GRM1: variants seen among roughly 807,000 people sequenced by gnomAD.
GRM1 encodes metabotropic glutamate receptor 1.
GRM1 carries 33 observed loss-of-function variants against 90.9 expected under a neutral mutation model. That is an observed-to-expected ratio of 0.36 (90% confidence interval 0.28 to 0.49). The LOEUF is 0.49. Among genes scored for constraint, GRM1 ranks in the 20% least tolerant of loss-of-function variants. The pLI, the probability that GRM1 is intolerant of heterozygous loss-of-function variation, is 0.99. For missense variants in GRM1, 1,190 were observed against 1,534.3 expected (o/e 0.78, Z 3.75); for synonymous variants, 700 against 613.2 (o/e 1.14, Z -2.09).
intron 5 of GRM1, 111 bp downstream of exon 5, chr6:146,357,805 G>T (rs1785647459): frequency 1.1e-6 from 1 of 883,494 alleles, no homozygotes; most frequent in Admixed American, 2.0e-5. Flanking sequence ...GAAAGGGTGT[G>T]CCAGGCTTAC....
intron 1 of GRM1, among the ~76,000 whole-genome samples, chr6:146,134,855 C>A (rs369996020): frequency 6.6e-6 from 1 of 152,156 alleles, no homozygotes; most frequent in East Asian, 1.9e-4. Context: ...GGCGGGAACC[C>A]GGGAGGCAGA....
intron 2 of GRM1, among the ~76,000 whole-genome samples, chr6:146,187,486 C>T (rs1218143855): frequency 6.6e-6 from 1 of 151,964 alleles, no homozygotes; most frequent in Non-Finnish European, 1.5e-5. Flanking sequence ...GAGAGGTATG[C>T]ATTAAGGCAC....
intron 2 of GRM1, among the ~76,000 whole-genome samples, chr6:146,196,449 G>A (rs1157730433): frequency 6.7e-5 from 10 of 148,876 alleles, no homozygotes; most frequent in African/African-American, 2.0e-4. Context: ...CACCATGCCC[G>A]GCTAATTTTT....
At chr6:146,320,599 CT>C (rs946968467) in intron 3 of GRM1, among the ~76,000 whole-genome samples, 1,521 of 144,890 alleles carry the variant, frequency 0.01, 23 homozygotes, top group African/African-American at 0.036. Flanking sequence ...TGGTCCTGGG[CT>C]TTTTTTTTTG....
intron 1 of GRM1, among the ~76,000 whole-genome samples, chr6:146,141,357 G>T (rs61351931): frequency 6.7e-6 from 1 of 149,780 alleles, no homozygotes; most frequent in African/African-American, 2.5e-5. Context: ...TAAATGCCTC[G>T]AAGTAGTCTT....
In GRM1 at chr6:146,186,095, GTT is replaced by G. The variant is rs111964915; in HGVS notation, c.950+26512_950+26513del. ...TCCCGAGTAGCTGGAATTACAGCTG[GTT>G]TTTTTTTTTTTTTGTATTTATTTTC... On this transcript the variant is annotated intron_variant, in intron 2 of 7. Transcript: ENST00000282753. Among the ~76,000 whole-genome samples, 947 of 131,186 alleles carry G rather than the reference GTT, an allele frequency of 7.2e-3. 12 individuals are homozygous for G. Among genetic ancestry groups the G allele is most frequent in the African/African-American group, 0.024 (838 of 35,534 alleles). 86.1% of individuals were successfully genotyped at this position (131,186 alleles called of 152,430 possible). A position where few individuals can be genotyped will look rare whatever the true frequency, so the allele number is the denominator to read the frequency against.
At chr6:146,390,173 G>C (rs974144276) in intron 6 of GRM1, among the ~76,000 whole-genome samples, 1 of 151,404 alleles carries the variant, frequency 6.6e-6, no homozygotes, top group Non-Finnish European at 1.5e-5. Flanking sequence ...TTTAATAGTT[G>C]GTTAAAATAT....
chr6:146,191,226 C>G (rs934192576), intron 2 of GRM1, among the ~76,000 whole-genome samples: 1 of 152,164 alleles, frequency 6.6e-6, no homozygotes, highest in Non-Finnish European at 1.5e-5. Context: ...TCTTCTCTGT[C>G]ATGGCATTAC....
At chr6:146,259,359 A>G (rs1447923900) in intron 2 of GRM1, among the ~76,000 whole-genome samples, 1 of 152,202 alleles carries the variant, frequency 6.6e-6, no homozygotes, top group Non-Finnish European at 1.5e-5. Context: ...ATTTAAGTGC[A>G]TTATATAGTA....
At chr6:146,262,533 G>C (rs778753635) in intron 2 of GRM1, among the ~76,000 whole-genome samples, 4 of 151,824 alleles carry the variant, frequency 2.6e-5, no homozygotes, top group Non-Finnish European at 5.9e-5. Flanking sequence ...TTAAACATCT[G>C]TTTACAACAG....
intron 1 of GRM1, among the ~76,000 whole-genome samples, chr6:146,077,880 T>TGCTG (rs1310052532): frequency 1.3e-5 from 2 of 152,126 alleles, no homozygotes; most frequent in African/African-American, 4.8e-5. Flanking sequence ...GGCAACTCAA[T>TGCTG]GCTGGCTCTG....
At chr6:146,348,937 G>A (rs1354593155) in intron 3 of GRM1, among the ~76,000 whole-genome samples, 5 of 152,136 alleles carry the variant, frequency 3.3e-5, no homozygotes, top group Non-Finnish European at 7.3e-5. Flanking sequence ...TATACCACAT[G>A]CTTTCCTCAC....
chr6:146,042,799 G>A (rs1267183641), intron 1 of GRM1, among the ~76,000 whole-genome samples: 1 of 151,916 alleles, frequency 6.6e-6, no homozygotes, highest in African/African-American at 2.4e-5. Flanking sequence ...AGCTTTCATA[G>A]CAGTTAATTA....
At chr6:146,418,598 C>T (rs149411297) in intron 7 of GRM1, among the ~76,000 whole-genome samples, 1,949 of 151,558 alleles carry the variant, frequency 0.013, 47 homozygotes, top group African/African-American at 0.045. Context: ...GATATTATGA[C>T]ATTCAATATT....
At chr6:146,413,561 A>T (rs1477035056) in intron 7 of GRM1, among the ~76,000 whole-genome samples, 1 of 152,078 alleles carries the variant, frequency 6.6e-6, no homozygotes, top group Non-Finnish European at 1.5e-5. Flanking sequence ...CTCTCATTTC[A>T]TGTACATGCT....
intron 2 of GRM1, among the ~76,000 whole-genome samples, chr6:146,273,202 G>T (rs1782234004): frequency 6.6e-6 from 1 of 152,076 alleles, no homozygotes; most frequent in South Asian, 2.1e-4. Context: ...AATACCTTTG[G>T]TAAATGTGTT....
At chr6:146,264,479 G>A (rs192624643) in intron 2 of GRM1, among the ~76,000 whole-genome samples, 23 of 151,880 alleles carry the variant, frequency 1.5e-4, no homozygotes, top group East Asian at 1.4e-3. Flanking sequence ...AAATATTTCA[G>A]TGCAATTGAA....
At chr6:146,103,155 A>C (rs1173352887) in intron 1 of GRM1, among the ~76,000 whole-genome samples, 1 of 152,194 alleles carries the variant, frequency 6.6e-6, no homozygotes, top group East Asian at 1.9e-4. Flanking sequence ...ACATGGTGAA[A>C]TTGGCAATTG....
intron 1 of GRM1, among the ~76,000 whole-genome samples, chr6:146,119,015 C>T (rs544533243): frequency 6.8e-4 from 103 of 152,244 alleles, no homozygotes; most frequent in Non-Finnish European, 1.2e-3. Context: ...GGAATTGCCA[C>T]ACTGACTTCC....
Sources: gnomAD v4.1 joint callset for allele counts (sites outside exome capture counted in the v4.1 genomes callset) on GRCh38, gnomAD v4.1.1 for gene constraint, MANE v1.5 for transcripts, NCBI Gene and HGNC (gene_info 2026-07-23, HGNC 2026-07-21) for gene names.